Variants in RCOR1 observed in about 807,000 individuals in gnomAD.
The protein encoded by RCOR1 is REST corepressor 1, also known as REST corepressor.
In RCOR1, 12 loss-of-function variants were observed where a neutral mutation model predicts 64.0. The ratio of observed to expected loss-of-function variants is 0.19; its 90% CI spans 0.12 to 0.30. The LOEUF (loss-of-function observed/expected upper bound fraction) is 0.30, where lower values mean the gene tolerates loss of function less well. Among genes scored for constraint, RCOR1 ranks in the 10% least tolerant of loss-of-function variants. The pLI is 1.00. For missense variants in RCOR1, 502 were observed against 621.2 expected (o/e 0.81, Z 2.04); for synonymous variants, 279 against 227.2 (o/e 1.23, Z -2.05).
chr14:102,684,859 G>GTGT (rs1200953916), intron 3 of RCOR1, among the ~76,000 whole-genome samples: 1 of 152,048 alleles, frequency 6.6e-6, no homozygotes, highest in Non-Finnish European at 1.5e-5. Flanking sequence ...AAATAACTAG[G>GTGT]TGTAATACTT....
At chr14:102,655,246 C>A in intron 2 of RCOR1, 2 of 983,902 alleles carry the variant, frequency 2.0e-6, no homozygotes, top group Non-Finnish European at 2.4e-6. Flanking sequence ...CATTCCTGGC[C>A]TTCCATTTTC....
At chr14:102,697,231 C>A (rs1251908690) in intron 3 of RCOR1, among the ~76,000 whole-genome samples, 1 of 152,150 alleles carries the variant, frequency 6.6e-6, no homozygotes, top group Admixed American at 6.5e-5. Context: ...TAGGTGATAA[C>A]CTGGCTTTAT....
intron 8 of RCOR1, among the ~76,000 whole-genome samples, chr14:102,720,495 C>T (rs1896151741): frequency 1.3e-5 from 2 of 152,196 alleles, no homozygotes; most frequent in South Asian, 4.1e-4. Flanking sequence ...TTTCCTCGCC[C>T]CCCCATCATT....
chr14:102,722,197 A>G lies in RCOR1; in HGVS notation c.1200A>G (p.Lys400=), dbSNP rs760096273. Residue 400 remains lysine (K), a synonymous_variant, in exon 11 of 12, where the codon AAA becomes AAG. Transcript: ENST00000262241. ...EQLLAVQAIR[K]YGRDFQAISD... ...TTCTTACATCCTTAGCCATCAGGAA[A>G]TATGGCCGAGATTTTCAGGCAATCT... 23 of 1,613,618 alleles carry G rather than the reference A, an allele frequency of 1.4e-5. No homozygotes were observed. In the East Asian group the frequency reaches 4.5e-4, roughly 31 times the overall value.
chr14:102,675,047 CAAAAAAAAAAAA>C (rs761294133), intron 2 of RCOR1, among the ~76,000 whole-genome samples: 17 of 63,412 alleles, frequency 2.7e-4, no homozygotes, highest in Non-Finnish European at 4.6e-4. Context: ...GACTCCACCT[CAAAAAAAAAAAA>C]AAAAAAAAAA....
chr14:102,720,637 C>T (rs1251323289), intron 8 of RCOR1, among the ~76,000 whole-genome samples: 1 of 152,130 alleles, frequency 6.6e-6, no homozygotes, highest in Admixed American at 6.5e-5. Flanking sequence ...ACTGTGGCTG[C>T]TCTGTTACTT....
intron 6 of RCOR1, among the ~76,000 whole-genome samples, chr14:102,710,559 TCA>T (rs1448756330): frequency 6.6e-6 from 1 of 152,220 alleles, no homozygotes; most frequent in Admixed American, 6.5e-5. Context: ...CCATAATTTC[TCA>T]GTTTTGTTTA....
intron 2 of RCOR1, among the ~76,000 whole-genome samples, chr14:102,668,616 C>T (rs1215795414): frequency 1.3e-5 from 2 of 152,168 alleles, no homozygotes; most frequent in Non-Finnish European, 2.9e-5. Context: ...TTATTTTTTA[C>T]AGTCCCTCTC....
In RCOR1 at chr14:102,659,040, A is replaced by G. The variant is rs964954595; in HGVS notation, c.362-22855A>G. 3.8e-6 allele frequency: 3 copies of G among 790,422 alleles called. No homozygotes were observed. The African/African-American group carries it at 5.6e-5, about 15-fold the overall frequency. The allele number at this position is 790,422 out of a possible 1,614,324, so 49.0% of individuals were successfully genotyped here. A position where few individuals can be genotyped will look rare whatever the true frequency, so the allele number is the denominator to read the frequency against. On this transcript the variant is annotated intron_variant, in intron 2 of 11. Transcript: ENST00000262241. ...CGGGGAGATTTAAGCTCCATCTCCT[A>G]GAGGGGAGTGGGGAATATTTACATA...
At chr14:102,708,327 C>T (rs1895895409) in intron 5 of RCOR1, 138 bp from the exon 6 acceptor site, 1 of 588,324 alleles carries the variant, frequency 1.7e-6, no homozygotes, top group Non-Finnish European at 3.1e-6. Context: ...GTCTCCATCT[C>T]CTGACCTCGT....
At chr14:102,710,816 TCA>T in intron 6 of RCOR1, 117 bp from the exon 7 acceptor site, 1 of 684,888 alleles carries the variant, frequency 1.5e-6, no homozygotes, top group Non-Finnish European at 2.5e-6. Context: ...TTATATTAAA[TCA>T]GTTTATTATT....
chr14:102,725,462 C>T (rs1311000110), intron 11 of RCOR1, among the ~76,000 whole-genome samples: 1 of 152,130 alleles, frequency 6.6e-6, no homozygotes, highest in African/African-American at 2.4e-5. Flanking sequence ...CTCCTGTATC[C>T]CAGCTAGAAC....
At chr14:102,593,243 G>A in intron 1 of RCOR1, 23 bp from the exon 2 acceptor site, 1 of 1,505,016 alleles carries the variant, frequency 6.6e-7, no homozygotes, top group Non-Finnish European at 8.8e-7. Flanking sequence ...CGCGCTGACC[G>A]CCGTATTCTG....
intron 2 of RCOR1, among the ~76,000 whole-genome samples, chr14:102,621,393 T>TTTTTTTA (rs60982918): frequency 2.5e-5 from 2 of 80,886 alleles, no homozygotes; most frequent in African/African-American, 7.8e-5. Context: ...TTTTTTTTTT[T>TTTTTTTA]GAGAAAAGGT....
intron 2 of RCOR1, among the ~76,000 whole-genome samples, chr14:102,633,729 GGGTTTCACCATGTTGGCCAGGCT>G (rs1894174639): frequency 1.3e-5 from 2 of 152,020 alleles, no homozygotes; most frequent in South Asian, 4.1e-4. Context: ...AGTAGAGACA[GGGTTTCACCATGTTGGCCAGGCT>G]GGTCTCGAAC....
rs556155772 is a variant in RCOR1 at position 102,698,812 on chromosome 14, G to A, written c.446-2466G>A. Among the ~76,000 whole-genome samples, 8 of 152,214 alleles carry A rather than the reference G, an allele frequency of 5.3e-5. No homozygotes were observed. In the South Asian group the frequency reaches 6.2e-4, roughly 12 times the overall value. On this transcript the variant is annotated intron_variant, in intron 3 of 11. Transcript: ENST00000262241. ...GCCAGGTATACAGAACCACCTGTTC[G>A]AGCAGCCTCATCTGACATTTTTTAG...
chr14:102,709,041 A>C (rs1895910814), intron 6 of RCOR1, among the ~76,000 whole-genome samples: 1 of 152,164 alleles, frequency 6.6e-6, no homozygotes, highest in Non-Finnish European at 1.5e-5. Context: ...TAAGGATATT[A>C]GTTTTAAGGA....
chr14:102,636,617 CTTT>C (rs892719956), intron 2 of RCOR1, among the ~76,000 whole-genome samples: 3 of 152,006 alleles, frequency 2.0e-5, no homozygotes, highest in African/African-American at 7.2e-5. Flanking sequence ...GATCATTCTT[CTTT>C]GAGTATTCTC....
At chr14:102,673,610 C>T (rs1342673635) in intron 2 of RCOR1, among the ~76,000 whole-genome samples, 1 of 151,892 alleles carries the variant, frequency 6.6e-6, no homozygotes, top group Non-Finnish European at 1.5e-5. Flanking sequence ...GCTGGGATTA[C>T]AGGCGTGAGC....
Sources: allele counts gnomAD v4.1 joint callset (sites outside exome capture counted in the v4.1 genomes callset), GRCh38; gene constraint gnomAD v4.1.1; transcripts MANE v1.5; gene names NCBI Gene and HGNC (gene_info 2026-07-23, HGNC 2026-07-21).